Variants in DLG2 observed in about 807,000 individuals in gnomAD.
DLG2 encodes discs large MAGUK scaffold protein 2.
DLG2 carries 45 observed loss-of-function variants against 132.5 expected under a neutral mutation model. That is an observed-to-expected ratio of 0.34 (90% CI 0.27 to 0.44). The LOEUF is 0.44. Among genes scored for constraint, DLG2 ranks in the 20% least tolerant of loss-of-function variants. The probability of loss-of-function intolerance (pLI) is 1.00; values close to 1 mark genes in which losing one functional copy is unlikely to be tolerated. For missense variants in DLG2, 1,045 were observed against 1,196.9 expected (o/e 0.87, Z 1.87); for synonymous variants, 424 against 419.6 (o/e 1.01, Z -0.13).
At chr11:84,425,956 TTTG>T (rs532309575) in intron 7 of DLG2, among the ~76,000 whole-genome samples, 29 of 152,126 alleles carry the variant, frequency 1.9e-4, no homozygotes, top group Non-Finnish European at 2.6e-4. Flanking sequence ...GGGTGACTTT[TTTG>T]TTGTTGTTGT....
At chr11:85,084,378 A>C (rs997300710) in intron 6 of DLG2, among the ~76,000 whole-genome samples, 7 of 152,170 alleles carry the variant, frequency 4.6e-5, no homozygotes, top group South Asian at 4.1e-4. Context: ...AGGGGCTGGT[A>C]AATGTTCTTT....
At chr11:84,523,856 T>A (rs940167862) in intron 7 of DLG2, among the ~76,000 whole-genome samples, 9 of 152,218 alleles carry the variant, frequency 5.9e-5, no homozygotes, top group Non-Finnish European at 1.2e-4. Flanking sequence ...CACTTATTTT[T>A]AAAACTTATT....
At chr11:83,497,978 C>G (rs1256838529) in intron 21 of DLG2, among the ~76,000 whole-genome samples, 2 of 150,584 alleles carry the variant, frequency 1.3e-5, no homozygotes, top group East Asian at 1.9e-4. Flanking sequence ...AGAAAAAATT[C>G]AAAGGGAATT....
At chr11:85,069,898 C>A (rs2065541041) in intron 6 of DLG2, among the ~76,000 whole-genome samples, 2 of 152,048 alleles carry the variant, frequency 1.3e-5, no homozygotes, top group Non-Finnish European at 1.5e-5. Context: ...GACTTGGAAC[C>A]AACCCAAGTG....
At chr11:83,813,382 C>T (rs1046038686) in intron 17 of DLG2, among the ~76,000 whole-genome samples, 3 of 152,070 alleles carry the variant, frequency 2.0e-5, no homozygotes, top group Non-Finnish European at 4.4e-5. Context: ...TTTATAGGAT[C>T]CTCTGAGATT....
At chr11:85,028,022 G>A (rs369397861) in intron 6 of DLG2, among the ~76,000 whole-genome samples, 22 of 152,326 alleles carry the variant, frequency 1.4e-4, no homozygotes, top group East Asian at 1.4e-3. Context: ...TGACCAAGGC[G>A]GAGAGGAGAC....
chr11:84,472,679 C>T (rs1156442384), intron 7 of DLG2, among the ~76,000 whole-genome samples: 1 of 151,892 alleles, frequency 6.6e-6, no homozygotes, highest in African/African-American at 2.4e-5. Flanking sequence ...TCTTGGTCTA[C>T]TTCTATTTAT....
At position 83,744,973 on chromosome 11, in the gene DLG2, C is replaced by T. The variant is rs144377133; in HGVS notation, c.1825+41717G>A. 1.3e-4 allele frequency among the ~76,000 whole-genome samples: 20 copies of T among 152,304 alleles called. No individual in the cohort carries two copies. The East Asian group carries it at 2.7e-3, about 21-fold the overall frequency. On this transcript the variant is annotated intron_variant, in intron 18 of 27. Coordinates refer to ENST00000376104, the MANE Select transcript of DLG2 (RefSeq NM_001142699.3). ...TTCCATACTTAGCAGTTTAATCCAG[C>T]GTGGCTCCAAGCCAGCTGTCTTCTT...
At chr11:85,467,854 T>C (rs1431991807) in intron 3 of DLG2, among the ~76,000 whole-genome samples, 4 of 152,254 alleles carry the variant, frequency 2.6e-5, no homozygotes, top group Non-Finnish European at 5.9e-5. Flanking sequence ...TCCCTCTTTT[T>C]CTACTCATTG....
chr11:85,263,271 A>G (rs900779008), intron 4 of DLG2, among the ~76,000 whole-genome samples: 2 of 152,212 alleles, frequency 1.3e-5, no homozygotes, highest in Non-Finnish European at 2.9e-5. Context: ...TATCATTCCA[A>G]TGCTGTTTGA....
chr11:85,122,975 T>TATATATATATAATATATATA (rs57980898), intron 5 of DLG2, among the ~76,000 whole-genome samples: 1 of 49,956 alleles, frequency 2.0e-5, no homozygotes, highest in Non-Finnish European at 3.5e-5. Flanking sequence ...ATATATTTTT[T>TATATATATATAATATATATA]TTTTTTTTTT....
intron 7 of DLG2, among the ~76,000 whole-genome samples, chr11:84,314,978 G>T (rs886208852): frequency 1.3e-5 from 2 of 152,112 alleles, no homozygotes; most frequent in African/African-American, 4.8e-5. Flanking sequence ...AATCCTAAAA[G>T]ATATGGTTTC....
intron 7 of DLG2, among the ~76,000 whole-genome samples, chr11:84,313,292 T>C (rs560529238): frequency 1.3e-5 from 2 of 151,774 alleles, no homozygotes; most frequent in Admixed American, 1.3e-4. Flanking sequence ...TTTTTGTATT[T>C]TTAGTAGGGA....
At chr11:83,515,719 T>C (rs2095267919) in intron 21 of DLG2, among the ~76,000 whole-genome samples, 1 of 152,242 alleles carries the variant, frequency 6.6e-6, no homozygotes, top group Non-Finnish European at 1.5e-5. Flanking sequence ...TTCTGGTATG[T>C]TGTGTCTTTG....
At chr11:84,151,309 T>G (rs71469630) in intron 9 of DLG2, among the ~76,000 whole-genome samples, 5,258 of 152,120 alleles carry the variant, frequency 0.035, 141 homozygotes, top group Non-Finnish European at 0.055. Context: ...AATTTCTCCA[T>G]TTTCTCTAGA....
chr11:85,077,019 T>G (rs1046307304), intron 6 of DLG2, among the ~76,000 whole-genome samples: 2 of 152,042 alleles, frequency 1.3e-5, no homozygotes, highest in Non-Finnish European at 1.5e-5. Flanking sequence ...ACCTCAGTTA[T>G]TGAACCTCAA....
intron 8 of DLG2, among the ~76,000 whole-genome samples, chr11:84,243,017 C>CTCTCTCTCTCTATATATA (rs542476924): frequency 2.7e-4 from 38 of 142,198 alleles, no homozygotes; most frequent in East Asian, 2.3e-3. Flanking sequence ...CTCTCTCTCT[C>CTCTCTCTCTCTATATATA]TATATATATA....
At chr11:84,658,398 G>A (rs767228154) in intron 6 of DLG2, among the ~76,000 whole-genome samples, 6 of 152,080 alleles carry the variant, frequency 3.9e-5, no homozygotes, top group Admixed American at 6.6e-5. Context: ...AAGGTGGGGC[G>A]TTTGAGCAGT....
chr11:84,544,639 A>G (rs2099385991), intron 6 of DLG2, among the ~76,000 whole-genome samples: 1 of 152,238 alleles, frequency 6.6e-6, no homozygotes, highest in Non-Finnish European at 1.5e-5. Flanking sequence ...GGAGACATCT[A>G]TCACATTGCT....
Sources: gnomAD v4.1 joint callset for allele counts (sites outside exome capture counted in the v4.1 genomes callset) on GRCh38, gnomAD v4.1.1 for gene constraint, MANE v1.5 for transcripts, NCBI Gene and HGNC (gene_info 2026-07-23, HGNC 2026-07-21) for gene names.